The following DIPK1A variants were observed in gnomAD, a reference collection of about 807,000 sequenced individuals.
The protein encoded by DIPK1A is divergent protein kinase domain 1A, also known as family with sequence similarity 69 member A.
In DIPK1A, 27 loss-of-function variants were observed where a neutral mutation model predicts 40.8. The ratio of observed to expected loss-of-function variants is 0.66; its 90% CI spans 0.49 to 0.91. The LOEUF is 0.91. Ranked by LOEUF, DIPK1A falls within the 40% of genes least tolerant of loss-of-function variation. The probability of loss-of-function intolerance (pLI) is 0.00; values close to 1 mark genes in which losing one functional copy is unlikely to be tolerated. For synonymous variants in DIPK1A, 166 were observed against 171.3 expected (o/e 0.97, Z 0.24); for missense variants, 412 against 505.7 (o/e 0.81, Z 1.78).
intron 1 of DIPK1A, among the ~76,000 whole-genome samples, chr1:92,912,037 C>T (rs991422757): frequency 7.5e-6 from 1 of 132,512 alleles, no homozygotes; most frequent in Non-Finnish European, 1.6e-5. Flanking sequence ...AAAAAGGGTA[C>T]GTTTAGTTTT....
chr1:92,863,113 C>T (rs892714842), intron 2 of DIPK1A, among the ~76,000 whole-genome samples: 8 of 152,152 alleles, frequency 5.3e-5, no homozygotes, highest in Non-Finnish European at 7.3e-5. Flanking sequence ...CAACCCTAAT[C>T]CCAGTCTCAC....
chr1:92,837,418 AGT>A (rs1172864934), downstream of DIPK1A: 1 of 1,558,560 alleles, frequency 6.4e-7, no homozygotes, highest in Non-Finnish European at 8.9e-7. Context: ...AACTAAGTTA[AGT>A]GAGTCTATAC....
At chr1:92,853,974 T>C (rs111515878) in intron 2 of DIPK1A, among the ~76,000 whole-genome samples, 2,728 of 152,294 alleles carry the variant, frequency 0.018, 81 homozygotes, top group African/African-American at 0.061. Context: ...ACAGCCTCGA[T>C]CTCCCAGGCT....
intron 1 of DIPK1A, among the ~76,000 whole-genome samples, chr1:92,894,742 T>C (rs1171914439): frequency 6.6e-6 from 1 of 151,802 alleles, no homozygotes; most frequent in Non-Finnish European, 1.5e-5. Flanking sequence ...ATCAACAAAA[T>C]AGATAGACCG....
chr1:92,938,563 T>C (rs1413710822), intron 1 of DIPK1A, among the ~76,000 whole-genome samples: 1 of 151,832 alleles, frequency 6.6e-6, no homozygotes, highest in African/African-American at 2.4e-5. Flanking sequence ...AACTAGCCAT[T>C]TCACTAATTT....
At chr1:92,856,070 C>T (rs750112351) in intron 2 of DIPK1A, among the ~76,000 whole-genome samples, 81 of 152,022 alleles carry the variant, frequency 5.3e-4, no homozygotes, top group Middle Eastern at 3.4e-3. Flanking sequence ...GAGTGAGACC[C>T]TGTCTCAAAA....
intron 1 of DIPK1A, among the ~76,000 whole-genome samples, chr1:92,877,365 T>G (rs1312614883): frequency 1.3e-5 from 2 of 152,230 alleles, no homozygotes; most frequent in African/African-American, 4.8e-5. Flanking sequence ...ATTAAAGATA[T>G]GTAAACAAAC....
At chr1:92,947,264 T>G (rs1651413684) in intron 1 of DIPK1A, among the ~76,000 whole-genome samples, 1 of 152,120 alleles carries the variant, frequency 6.6e-6, no homozygotes, top group Non-Finnish European at 1.5e-5. Context: ...ATAAACATTT[T>G]AAGATATTTT....
intron 1 of DIPK1A, among the ~76,000 whole-genome samples, chr1:92,939,917 A>G (rs773022197): frequency 7.9e-5 from 12 of 151,266 alleles, no homozygotes; most frequent in African/African-American, 1.2e-4. Context: ...ACGCCACTGC[A>G]CTCCAGCCTA....
intron 2 of DIPK1A, among the ~76,000 whole-genome samples, chr1:92,855,942 T>G (rs1480364198): frequency 6.6e-6 from 1 of 151,966 alleles, no homozygotes; most frequent in African/African-American, 2.4e-5. Context: ...TAGCCAGGTG[T>G]GGATGCACAC....
intron 1 of DIPK1A, among the ~76,000 whole-genome samples, chr1:92,923,535 T>C (rs1650354122): frequency 6.6e-6 from 1 of 152,240 alleles, no homozygotes; most frequent in African/African-American, 2.4e-5. Flanking sequence ...ATTTCTATAA[T>C]AAATAATTTT....
chr1:92,909,934 T>C (rs1353599965), intron 1 of DIPK1A, among the ~76,000 whole-genome samples: 1 of 152,208 alleles, frequency 6.6e-6, no homozygotes, highest in Admixed American at 6.5e-5. Context: ...TTCACATTAG[T>C]ATCTTTCCCT....
chr1:92,894,290 T>G (rs1467422950), intron 1 of DIPK1A, among the ~76,000 whole-genome samples: 1 of 151,836 alleles, frequency 6.6e-6, no homozygotes, highest in Non-Finnish European at 1.5e-5. Context: ...CAACAGAAAT[T>G]ATAACAAACT....
Position 92,866,450 on chromosome 1 carries a change from T to A in DIPK1A, c.189+9846A>T, listed in dbSNP as rs944523085. Reference sequence around the variant, plus strand: ...CCTCCTCTATGAAGCCTTTCCCCACTATTCTATCTAAAATAATCTCCCTAT... The same window carrying A: ...CCTCCTCTATGAAGCCTTTCCCCACAATTCTATCTAAAATAATCTCCCTAT... On this transcript the variant is annotated intron_variant, in intron 2 of 4. Coordinates refer to ENST00000370310, the MANE Select transcript of DIPK1A (RefSeq NM_001006605.5). Among the ~76,000 whole-genome samples, 11 of 152,204 alleles carry A rather than the reference T, an allele frequency of 7.2e-5. No individual in the cohort carries two copies. In the East Asian group the frequency reaches 1.9e-3, roughly 27 times the overall value.
chr1:92,951,209 A>G (rs1651621774), intron 1 of DIPK1A, among the ~76,000 whole-genome samples: 1 of 152,182 alleles, frequency 6.6e-6, no homozygotes, highest in South Asian at 2.1e-4. Flanking sequence ...GAGGCAGAAG[A>G]GGGAGGCAGA....
Position 92,833,195 on chromosome 1 carries a change from C to T in DIPK1A, c.475-161G>A, listed in dbSNP as rs1686979592. The T allele has an allele frequency of 4.6e-6, 3 of 650,646 alleles. No homozygotes were observed. In the Admixed American group the frequency reaches 7.9e-5, roughly 17 times the overall value. The allele number at this position is 650,646 out of a possible 1,614,324, so 40.3% of individuals were successfully genotyped here. ...GATTCATTTTTATTGTTTTATGAAA[C>T]TACTAGTCTGTGACATGGAAGGTAG... On this transcript the variant is annotated intron_variant, in intron 4 of 4. Coordinates refer to the DIPK1A transcript ENST00000615519.
intron 2 of DIPK1A, among the ~76,000 whole-genome samples, chr1:92,855,221 T>C (rs1372140961): frequency 6.6e-6 from 1 of 152,166 alleles, no homozygotes; most frequent in Admixed American, 6.5e-5. Flanking sequence ...TATTTAGAAG[T>C]GAACAACAAT....
intron 2 of DIPK1A, among the ~76,000 whole-genome samples, chr1:92,865,398 T>C (rs1647489084): frequency 6.6e-6 from 1 of 151,828 alleles, no homozygotes; most frequent in East Asian, 1.9e-4. Flanking sequence ...TCCTCCACCA[T>C]ATTATATAAT....
chr1:92,865,948 A>C (rs1647516064), intron 2 of DIPK1A, among the ~76,000 whole-genome samples: 1 of 152,220 alleles, frequency 6.6e-6, no homozygotes, highest in African/African-American at 2.4e-5. Flanking sequence ...AGAATTTACT[A>C]CAAAAAGACA....
Sources: allele counts gnomAD v4.1 joint callset (sites outside exome capture counted in the v4.1 genomes callset), GRCh38; gene constraint gnomAD v4.1.1; transcripts MANE v1.5; gene names NCBI Gene and HGNC (gene_info 2026-07-23, HGNC 2026-07-21).